The following DIPK1A variants were observed in gnomAD, a reference collection of about 807,000 sequenced individuals.
DIPK1A encodes family with sequence similarity 69 member A.
In DIPK1A, 27 loss-of-function variants were observed where a neutral mutation model predicts 40.8. That is an observed-to-expected ratio of 0.66 (90% CI 0.49 to 0.91). DIPK1A has a LOEUF of 0.91. Among genes scored for constraint, DIPK1A ranks in the 40% least tolerant of loss-of-function variants. The pLI, the probability that DIPK1A is intolerant of heterozygous loss-of-function variation, is 0.00. For missense variants in DIPK1A, 412 were observed against 505.7 expected (o/e 0.81, Z 1.78); for synonymous variants, 166 against 171.3 (o/e 0.97, Z 0.24).
At chr1:92,866,113 G>T (rs555858799) in intron 2 of DIPK1A, among the ~76,000 whole-genome samples, 79 of 152,184 alleles carry the variant, frequency 5.2e-4, no homozygotes, top group African/African-American at 1.7e-3. Context: ...TTGTTTGTTT[G>T]TTTTTTGAGA....
chr1:92,917,634 A>G (rs1356226680), intron 1 of DIPK1A, among the ~76,000 whole-genome samples: 1 of 152,206 alleles, frequency 6.6e-6, no homozygotes, highest in East Asian at 1.9e-4. Flanking sequence ...GAATTTACAT[A>G]AGTGTAAAAT....
intron 1 of DIPK1A, among the ~76,000 whole-genome samples, chr1:92,893,537 A>G (rs1190391089): frequency 6.6e-6 from 1 of 152,112 alleles, no homozygotes; most frequent in Non-Finnish European, 1.5e-5. Context: ...GGTACCAGCC[A>G]CTGCAAAAAC....
chr1:92,953,534 G>A (rs1651724887), intron 1 of DIPK1A, among the ~76,000 whole-genome samples: 1 of 152,184 alleles, frequency 6.6e-6, no homozygotes, highest in South Asian at 2.1e-4. Flanking sequence ...AATGGATAAA[G>A]GAAATGTGGA....
At chr1:92,960,781 C>A (rs1557503131) in intron 1 of DIPK1A, among the ~76,000 whole-genome samples, 3 of 152,216 alleles carry the variant, frequency 2.0e-5, no homozygotes, top group Non-Finnish European at 4.4e-5. Context: ...CCATTTAAAT[C>A]TTGGGTGTGA....
chr1:92,956,657 C>G (rs1651867744), intron 1 of DIPK1A, among the ~76,000 whole-genome samples: 1 of 152,204 alleles, frequency 6.6e-6, no homozygotes, highest in African/African-American at 2.4e-5. Context: ...CTGTCTGGCA[C>G]TAAATCTCAC....
rs112336500 is a variant in DIPK1A, at chr1:92,870,414, C to T, written c.189+5882G>A. Among the ~76,000 whole-genome samples, 680 of 152,164 alleles carry T rather than the reference C, an allele frequency of 4.5e-3. 5 individuals are homozygous for T. Among genetic ancestry groups the T allele is most frequent in the African/African-American group, 0.015 (643 of 41,498 alleles). On this transcript the variant is annotated intron_variant, in intron 2 of 4. Transcript: ENST00000370310. ...CTAATTTTTACAGTTTTAGCAGAGA[C>T]GGGGTTTCACCATGTTGGCCAGGCT... is the stretch of plus-strand genomic sequence containing the variant.
At chr1:92,876,015 A>T (rs1648104271) in intron 2 of DIPK1A, among the ~76,000 whole-genome samples, 1 of 149,686 alleles carries the variant, frequency 6.7e-6, no homozygotes, top group South Asian at 2.1e-4. Flanking sequence ...TAAAACTTAA[A>T]TATATTAAAA....
intron 2 of DIPK1A, among the ~76,000 whole-genome samples, chr1:92,873,647 A>G (rs1271060983): frequency 6.6e-6 from 1 of 151,278 alleles, no homozygotes; most frequent in African/African-American, 2.4e-5. Flanking sequence ...ATCCTCTCCC[A>G]GGTCTTGATC....
chr1:92,926,410 G>A (rs1413235558), intron 1 of DIPK1A, among the ~76,000 whole-genome samples: 1 of 152,076 alleles, frequency 6.6e-6, no homozygotes, highest in Non-Finnish European at 1.5e-5. Context: ...AACTTATTAA[G>A]ACTTGTTTCA....
Position 92,842,502 on chromosome 1 carries a change from A to G in DIPK1A, c.*881T>C, listed in dbSNP as rs765847439. 1.8e-4 allele frequency: 180 copies of G among 979,320 alleles called. No homozygotes were observed. The highest frequency in any genetic ancestry group is 2.1e-4 in the Non-Finnish European group (170 of 824,468). 60.7% of individuals were successfully genotyped at this position (979,320 alleles called of 1,614,324 possible). ...GGAAAAAAACATTAGATAAATAAAT[A>G]CATTTACATGCCTCTTTAAGAAATA... On this transcript the variant is annotated 3_prime_UTR_variant, in exon 5 of 5. Coordinates refer to ENST00000370310, the MANE Select transcript of DIPK1A (RefSeq NM_001006605.5).
chr1:92,894,059 C>T (rs201405201), intron 1 of DIPK1A, among the ~76,000 whole-genome samples: 1,992 of 91,804 alleles, frequency 0.022, no homozygotes, highest in Non-Finnish European at 0.027. Context: ...TAATGGGAGA[C>T]TTTAACACCC....
At chr1:92,938,230 A>T (rs1162459656) in intron 1 of DIPK1A, among the ~76,000 whole-genome samples, 1 of 151,946 alleles carries the variant, frequency 6.6e-6, no homozygotes, top group Non-Finnish European at 1.5e-5. Flanking sequence ...GCTACTCAGG[A>T]GGCTGAGCCA....
intron 1 of DIPK1A, among the ~76,000 whole-genome samples, chr1:92,928,242 TATAC>T: frequency 6.6e-6 from 1 of 152,366 alleles, no homozygotes; most frequent in South Asian, 2.1e-4. Context: ...GAAATTAAAA[TATAC>T]ATCCATAACT....
At chr1:92,873,417 C>T (rs944463141) in intron 2 of DIPK1A, among the ~76,000 whole-genome samples, 5 of 152,062 alleles carry the variant, frequency 3.3e-5, no homozygotes, top group Non-Finnish European at 7.4e-5. Context: ...GAGTTTGAGA[C>T]CAGCCTGGCC....
At chr1:92,845,495 C>T (rs1235212105) in intron 4 of DIPK1A, 1 of 334,426 alleles carries the variant, frequency 3.0e-6, no homozygotes, top group South Asian at 2.0e-5. Context: ...ATGGTGAAAC[C>T]GTGTCTATGC....
intron 1 of DIPK1A, among the ~76,000 whole-genome samples, chr1:92,950,099 A>G (rs943794965): frequency 6.6e-6 from 1 of 152,174 alleles, no homozygotes; most frequent in Non-Finnish European, 1.5e-5. Flanking sequence ...GTACACTAAT[A>G]CTGTGGAGTA....
At chr1:92,930,271 T>C (rs747893764) in intron 1 of DIPK1A, among the ~76,000 whole-genome samples, 3 of 152,192 alleles carry the variant, frequency 2.0e-5, no homozygotes, top group African/African-American at 4.8e-5. Flanking sequence ...TAAAGTCTTT[T>C]CTCCTCACCT....
chr1:92,839,247 G>A (rs902968425), downstream of DIPK1A, among the ~76,000 whole-genome samples: 1 of 152,012 alleles, frequency 6.6e-6, no homozygotes, highest in Non-Finnish European at 1.5e-5. Flanking sequence ...TAATCCCAGC[G>A]ACTCGGGAGG....
intron 1 of DIPK1A, among the ~76,000 whole-genome samples, chr1:92,954,691 TTCAA>T (rs1452353098): frequency 6.6e-6 from 1 of 152,052 alleles, no homozygotes; most frequent in Non-Finnish European, 1.5e-5. Context: ...ACCTTACCTC[TTCAA>T]TCAGACAATG....
Sources: allele counts gnomAD v4.1 joint callset (sites outside exome capture counted in the v4.1 genomes callset), GRCh38; gene constraint gnomAD v4.1.1; transcripts MANE v1.5; gene names NCBI Gene and HGNC (gene_info 2026-07-23, HGNC 2026-07-21).